Variants in MYO9A observed in about 807,000 individuals in gnomAD.
The protein encoded by MYO9A is unconventional myosin-IXa.
Under a neutral mutation model 293.3 loss-of-function variants are expected in MYO9A, and 103 were observed. That is an observed-to-expected ratio of 0.35 (90% CI 0.30 to 0.41). The LOEUF is 0.41. Among genes scored for constraint, MYO9A ranks in the 10% least tolerant of loss-of-function variants. The probability of loss-of-function intolerance (pLI) is 1.00; values close to 1 mark genes in which losing one functional copy is unlikely to be tolerated. For synonymous variants in MYO9A, 1,001 were observed against 1,035.7 expected (o/e 0.97, Z 0.64); for missense variants, 2,685 against 3,033.0 (o/e 0.89, Z 2.69).
At chr15:71,974,486 C>T (rs1329471847) in intron 12 of MYO9A, among the ~76,000 whole-genome samples, 1 of 152,144 alleles carries the variant, frequency 6.6e-6, no homozygotes, top group African/African-American at 2.4e-5. Context: ...ACTGGTATAA[C>T]AACTATAATT....
rs1226761883 is a variant in MYO9A at position 71,925,283 on chromosome 15, ATACACGTG to A, written c.2562+8379_2562+8386del. On this transcript the variant is annotated intron_variant, in intron 18 of 41. Transcript: ENST00000356056. ...CATATATACATATATACATATACGT[ATACACGTG>A]TATGTACATATATACGTATATACGT... Among the ~76,000 whole-genome samples, 1,172 of 150,460 alleles carry A rather than the reference ATACACGTG, an allele frequency of 7.8e-3. 18 individuals are homozygous for A. Among genetic ancestry groups the A allele is most frequent in the African/African-American group, 0.027 (1,095 of 40,680 alleles).
At chr15:72,054,083 G>GT (rs1323022156) in intron 1 of MYO9A, among the ~76,000 whole-genome samples, 1 of 152,162 alleles carries the variant, frequency 6.6e-6, no homozygotes, top group Non-Finnish European at 1.5e-5. Context: ...GAATCAGAAA[G>GT]TATTTTTTTA....
At chr15:71,998,472 G>T (rs1210172056) in intron 9 of MYO9A, among the ~76,000 whole-genome samples, 12 of 151,008 alleles carry the variant, frequency 7.9e-5, no homozygotes, top group Admixed American at 7.9e-4. Context: ...GAAGAAAAAG[G>T]TAGTGAAAGA....
intron 40 of MYO9A, among the ~76,000 whole-genome samples, chr15:71,828,617 C>G (rs532233482): frequency 2.0e-5 from 3 of 152,176 alleles, no homozygotes; most frequent in East Asian, 3.9e-4. Context: ...TTCTTCATCA[C>G]GGTCACCCAG....
chr15:72,041,908 A>G (rs994873892), intron 2 of MYO9A, among the ~76,000 whole-genome samples: 22 of 151,842 alleles, frequency 1.4e-4, no homozygotes, highest in African/African-American at 5.3e-4. Flanking sequence ...AATAATAATC[A>G]CATGAATAAC....
At chr15:71,860,601 A>G (rs191755812) in intron 33 of MYO9A, among the ~76,000 whole-genome samples, 78 of 152,318 alleles carry the variant, frequency 5.1e-4, no homozygotes, top group African/African-American at 1.7e-3. Context: ...AGATCAAGTA[A>G]GGGAGGCCAT....
chr15:71,943,140 T>C (rs2058821478), intron 15 of MYO9A, among the ~76,000 whole-genome samples: 1 of 151,970 alleles, frequency 6.6e-6, no homozygotes, highest in African/African-American at 2.4e-5. Context: ...GTTTCTGGCA[T>C]TTCATTTCAT....
At chr15:71,920,884 G>A (rs1176420209) in intron 18 of MYO9A, among the ~76,000 whole-genome samples, 2 of 152,142 alleles carry the variant, frequency 1.3e-5, no homozygotes, top group African/African-American at 2.4e-5. Context: ...GAGGCAAGCG[G>A]TCAGCAAAAA....
In MYO9A at chr15:71,879,047, G is replaced by A. The variant is rs1353301018; in HGVS notation, c.5739+674C>T. 1.3e-4 allele frequency among the ~76,000 whole-genome samples: 20 copies of A among 152,084 alleles called. No individual in the cohort carries two copies. The East Asian group carries it at 1.7e-3, about 13-fold the overall frequency. Reference sequence around the variant, plus strand: ...TGGGATTACAGGCTTGAGCCACTGCGCCCAGCCAAGTAGAGTATAAATTAA... The same window carrying A: ...TGGGATTACAGGCTTGAGCCACTGCACCCAGCCAAGTAGAGTATAAATTAA... On this transcript the variant is annotated intron_variant, in intron 30 of 41. Transcript: ENST00000356056.
chr15:71,994,219 A>T (rs2076629625), intron 10 of MYO9A, among the ~76,000 whole-genome samples: 2 of 152,194 alleles, frequency 1.3e-5, no homozygotes, highest in Non-Finnish European at 2.9e-5. Flanking sequence ...GAAAGAATAC[A>T]GAGAGCATGA....
intron 18 of MYO9A, among the ~76,000 whole-genome samples, chr15:71,922,441 ATACT>A (rs760992861): frequency 3.9e-5 from 6 of 152,240 alleles, no homozygotes; most frequent in African/African-American, 1.2e-4. Flanking sequence ...AATATCTCAC[ATACT>A]TATTTCTTTG....
At chr15:72,018,946 G>T in intron 6 of MYO9A, 93 bp downstream of exon 6, 1 of 941,628 alleles carries the variant, frequency 1.1e-6, no homozygotes, top group Non-Finnish European at 1.7e-6. Flanking sequence ...TTGTATTTCA[G>T]CTGATTTGCA....
At chr15:72,101,242 T>G (rs1470777526) in intron 1 of MYO9A, among the ~76,000 whole-genome samples, 3 of 90,814 alleles carry the variant, frequency 3.3e-5, no homozygotes, top group East Asian at 3.6e-4. Context: ...GGGAGGGAGG[T>G]GGGGGGGTCA....
intron 4 of MYO9A, among the ~76,000 whole-genome samples, chr15:72,024,262 T>C (rs1446266405): frequency 6.6e-6 from 1 of 152,154 alleles, no homozygotes; most frequent in African/African-American, 2.4e-5. Context: ...TAGGTAAATA[T>C]AAAAGATAGT....
intron 1 of MYO9A, among the ~76,000 whole-genome samples, chr15:72,079,141 C>A (rs2079460968): frequency 6.6e-6 from 1 of 152,122 alleles, no homozygotes; most frequent in African/African-American, 2.4e-5. Context: ...ATTAATATGG[C>A]TCATCAACTG....
In MYO9A at chr15:72,117,783, G is replaced by A; in HGVS notation, c.-175C>T. ...GACCGGAGATGGCAGAAGAGGCCGA[G>A]GCCACCGAGGGTCGGACGGTTCCGG... On this transcript the variant is annotated 5_prime_UTR_variant, in exon 1 of 42. Transcript: ENST00000356056. 2.5e-6 allele frequency: 1 copy of A among 398,262 alleles called. No individual in the cohort carries two copies. Among genetic ancestry groups the A allele is most frequent in the South Asian group, 1.3e-4 (1 of 7,860 alleles). The allele number at this position is 398,262 out of a possible 1,614,324, so 24.7% of individuals were successfully genotyped here. A position where few individuals can be genotyped will look rare whatever the true frequency, so the allele number is the denominator to read the frequency against.
At chr15:72,082,265 G>T (rs558442511) in intron 1 of MYO9A, among the ~76,000 whole-genome samples, 1 of 152,108 alleles carries the variant, frequency 6.6e-6, no homozygotes, top group Admixed American at 6.5e-5. Context: ...TGTATTCCTA[G>T]GTATTTTATT....
chr15:71,832,410 A>G (rs982761630), intron 39 of MYO9A, among the ~76,000 whole-genome samples: 1 of 152,150 alleles, frequency 6.6e-6, no homozygotes, highest in Non-Finnish European at 1.5e-5. Flanking sequence ...TAGACAAACT[A>G]CTGTTAAAAA....
chr15:71,869,228 C>A (rs555258515), intron 32 of MYO9A, among the ~76,000 whole-genome samples: 1 of 152,242 alleles, frequency 6.6e-6, no homozygotes, highest in Non-Finnish European at 1.5e-5. Context: ...AAAATAGTAT[C>A]TTTGCTGAGT....
Sources: allele counts gnomAD v4.1 joint callset (sites outside exome capture counted in the v4.1 genomes callset), GRCh38; gene constraint gnomAD v4.1.1; transcripts MANE v1.5; gene names NCBI Gene and HGNC (gene_info 2026-07-23, HGNC 2026-07-21).